Variants in CHFR observed in about 807,000 individuals in gnomAD.
CHFR encodes the protein checkpoint with forkhead and ring finger domains.
Under a neutral mutation model 87.6 loss-of-function variants are expected in CHFR, and 57 were observed. The observed-to-expected ratio is 0.65, with a 90% confidence interval of 0.53 to 0.81. The LOEUF is 0.81. CHFR is among the 30% of genes least tolerant of loss of function. CHFR has a pLI of 0.00. For synonymous variants in CHFR, 381 were observed against 359.2 expected, an observed-to-expected ratio of 1.06 and a Z score of -0.69; for missense variants, 797 against 865.8, an observed-to-expected ratio of 0.92 and a Z score of 1.00.
At chr12:132,858,115 G>A (rs1951124346) in intron 8 of CHFR, among the ~76,000 whole-genome samples, 1 of 152,178 alleles carries the variant, frequency 6.6e-6, no homozygotes, top group South Asian at 2.1e-4. Context: ...CCAACACTTT[G>A]GGAGGCCAAG....
intron 6 of CHFR, 70 bp from the exon 7 acceptor site, chr12:132,861,704 T>C: frequency 6.8e-7 from 1 of 1,461,402 alleles, no homozygotes; most frequent in Non-Finnish European, 9.4e-7. Flanking sequence ...CTGTAAGGTG[T>C]CACTGACTGG....
At chr12:132,860,761 C>T (rs1232351190) in intron 7 of CHFR, among the ~76,000 whole-genome samples, 1 of 151,888 alleles carries the variant, frequency 6.6e-6, no homozygotes, top group South Asian at 2.1e-4. Context: ...TTTTGATTTT[C>T]TTTTTTTTGA....
chr12:132,847,843 C>A (rs1566177134), intron 14 of CHFR: 1 of 1,356,336 alleles, frequency 7.4e-7, no homozygotes, highest in Non-Finnish European at 9.5e-7. Context: ...GCGGCTCCTA[C>A]GAATTGGTGG....
rs563852229 is a variant in CHFR, at chr12:132,853,522, C to T, written c.1281G>A (p.Ala427=). ...RQCPEYRRQA[A]QPPHCPAPEG... ...CGGGTGCTGGGCAGTGGGGAGGCTG[C>T]GCCGCCTGCCTTCTGTACTCAGGAC... The change falls in exon 11 of 18, where the codon GCG becomes GCA. Residue 427 remains alanine (A), a synonymous_variant. Transcript: ENST00000450056. The T allele has an allele frequency of 1.3e-3, 1,977 of 1,530,310 alleles. 38 individuals are homozygous for T. The South Asian group carries it at 0.023, about 18-fold the overall frequency. 94.8% of individuals were successfully genotyped at this position (1,530,310 alleles called of 1,614,324 possible).
intron 6 of CHFR, among the ~76,000 whole-genome samples, chr12:132,865,653 CTTTTTTTTTTTT>C (rs57560560): frequency 1.7e-5 from 1 of 58,218 alleles, no homozygotes; most frequent in Non-Finnish European, 3.1e-5. Flanking sequence ...GATTACAGGT[CTTTTTTTTTTTT>C]TTTTTTTTTT....
rs1186411942 is a variant in CHFR at position 132,859,085 on chromosome 12, C to T, written c.894G>A (p.Leu298=). 1 of 1,613,700 alleles carries T rather than the reference C, an allele frequency of 6.2e-7. No individual in the cohort carries two copies. Among genetic ancestry groups the T allele is most frequent in the South Asian group, 1.1e-5 (1 of 91,006 alleles). The change falls in exon 8 of 18, where the codon CTG becomes CTA. Residue 298 remains leucine, a synonymous_variant. Transcript: ENST00000450056. The part of the protein sequence containing the change: ...ETLTCIICQD[L]LHDCVSLQPC... ...GGTCGCACCTCACGCAGTCGTGCAG[C>T]AGGTCCTGGCAGATGATGCATGTCA... is the stretch of plus-strand genomic sequence containing the variant.
intron 10 of CHFR, chr12:132,854,121 C>A (rs1040793718): frequency 1.3e-5 from 2 of 152,350 alleles, no homozygotes; most frequent in Non-Finnish European, 2.9e-5. Context: ...GGCTTTTCTG[C>A]GCCTCACACC....
intron 3 of CHFR, among the ~76,000 whole-genome samples, chr12:132,875,234 C>T (rs895275031): frequency 4.6e-5 from 7 of 152,228 alleles, no homozygotes; most frequent in Non-Finnish European, 1.0e-4. Flanking sequence ...CTATCAGTTA[C>T]CAAAGAATCT....
At chr12:132,858,538 A>G (rs1951135983) in intron 8 of CHFR, among the ~76,000 whole-genome samples, 1 of 151,820 alleles carries the variant, frequency 6.6e-6, no homozygotes, top group South Asian at 2.1e-4. Flanking sequence ...TAGCCTGGCC[A>G]ACATGGTGAA....
At chr12:132,854,991 C>T (rs1374200736) in intron 10 of CHFR, 1 of 152,092 alleles carries the variant, frequency 6.6e-6, no homozygotes, top group African/African-American at 2.4e-5. Context: ...CCTATAATCC[C>T]AGCACTTTGA....
intron 2 of CHFR, among the ~76,000 whole-genome samples, chr12:132,879,212 G>T (rs1257377729): frequency 2.0e-5 from 3 of 151,634 alleles, no homozygotes; most frequent in African/African-American, 7.3e-5. Context: ...CACCATGCTG[G>T]TCTTGAACTC....
intron 14 of CHFR, 127 bp from the exon 15 acceptor site, chr12:132,847,257 G>A: frequency 1.4e-6 from 2 of 1,455,596 alleles, no homozygotes; most frequent in Middle Eastern, 2.1e-4. Context: ...ACCCTTATAA[G>A]TGGCATTTGC....
intron 12 of CHFR, 28 bp from the exon 13 acceptor site, chr12:132,848,752 C>T: frequency 6.6e-7 from 1 of 1,522,520 alleles, no homozygotes; most frequent in South Asian, 1.2e-5. Flanking sequence ...TCGTTACACG[C>T]ACTCAGCGCT....
At chr12:132,855,772 A>C (rs1045995187) in intron 10 of CHFR, among the ~76,000 whole-genome samples, 9 of 152,236 alleles carry the variant, frequency 5.9e-5, no homozygotes, top group Admixed American at 3.3e-4. Context: ...CTTAATGCTA[A>C]AGTGGTTTTG....
At chr12:132,853,905 T>A (rs1280843957) in intron 10 of CHFR, 1 of 302,356 alleles carries the variant, frequency 3.3e-6, no homozygotes, top group African/African-American at 2.2e-5. Flanking sequence ...GCACGCCCCG[T>A]GCTCCTCAGG....
At chr12:132,876,693 GAC>G (rs1951638126) in intron 3 of CHFR, among the ~76,000 whole-genome samples, 1 of 152,190 alleles carries the variant, frequency 6.6e-6, no homozygotes, top group Non-Finnish European at 1.5e-5. Flanking sequence ...AAGGGTCATA[GAC>G]ACCAAAGTGT....
At chr12:132,846,976 C>T in intron 15 of CHFR, 67 bp downstream of exon 15, 1 of 1,130,170 alleles carries the variant, frequency 8.8e-7, no homozygotes, top group Non-Finnish European at 1.3e-6. Context: ...ACTGGGAGAG[C>T]AGACACGCAG....
chr12:132,884,030 G>C (rs938239849), intron 2 of CHFR, among the ~76,000 whole-genome samples: 1 of 152,148 alleles, frequency 6.6e-6, no homozygotes, highest in Non-Finnish European at 1.5e-5. Context: ...TCAGGCAGGA[G>C]AATCACTTTA....
chr12:132,864,136 A>G (rs1308683269), intron 6 of CHFR, among the ~76,000 whole-genome samples: 1 of 152,128 alleles, frequency 6.6e-6, no homozygotes, highest in East Asian at 1.9e-4. Flanking sequence ...AGCATAATAC[A>G]TATCTAGCTT....
Sources: gnomAD v4.1 joint callset for allele counts (sites outside exome capture counted in the v4.1 genomes callset) on GRCh38, gnomAD v4.1.1 for gene constraint, MANE v1.5 for transcripts, NCBI Gene and HGNC (gene_info 2026-07-23, HGNC 2026-07-21) for gene names.